EVL: variants seen among roughly 807,000 people sequenced by gnomAD.
EVL encodes ena/VASP-like protein.
A neutral mutation model predicts 59.6 loss-of-function variants in EVL; 21 were observed. That is an observed-to-expected ratio of 0.35 (90% CI 0.25 to 0.51). The LOEUF is 0.51. Among genes scored for constraint, EVL ranks in the 20% least tolerant of loss-of-function variants. The pLI, the probability that EVL is intolerant of heterozygous loss-of-function variation, is 0.97. For synonymous variants in EVL, 198 were observed against 203.5 expected (o/e 0.97, Z 0.23); for missense variants, 462 against 546.6 (o/e 0.85, Z 1.54).
intron 1 of EVL, among the ~76,000 whole-genome samples, chr14:100,038,658 A>G (rs2061422138): frequency 6.6e-6 from 1 of 152,210 alleles, no homozygotes; most frequent in Admixed American, 6.5e-5. Context: ...TAAACAGAAT[A>G]ATGCTAGAAC....
rs911856474 is a variant in EVL, at chr14:100,109,859, G to C, written c.358+12201G>C. ...GCATACTGTGGAAGGAACTTCGGAC[G>C]TGAACTCGGATCTGGTTCCAGTACC... On this transcript the variant is annotated intron_variant, in intron 3 of 13. Coordinates refer to ENST00000392920, the MANE Select transcript of EVL (RefSeq NM_016337.3). The surrounding 1 kb of genome is among the most constrained non-coding windows in gnomAD (Gnocchi z 4.3). 1 of 391,054 alleles carries C rather than the reference G, an allele frequency of 2.6e-6. No homozygotes were observed. The highest frequency in any genetic ancestry group is 2.9e-5 in the Admixed American group (1 of 34,714). 24.2% of individuals were successfully genotyped at this position (391,054 alleles called of 1,614,324 possible).
intron 1 of EVL, among the ~76,000 whole-genome samples, chr14:99,991,006 G>A (rs922801359): frequency 1.3e-5 from 2 of 152,062 alleles, no homozygotes; most frequent in African/African-American, 2.4e-5. Context: ...CTTATATGCA[G>A]ATTTTTTTCA....
chr14:100,137,212 G>C (rs1014125189), intron 9 of EVL: 2 of 292,478 alleles, frequency 6.8e-6, no homozygotes, highest in African/African-American at 2.1e-5. Flanking sequence ...AGCAGGTGCC[G>C]GGCCGAGGGG....
intron 1 of EVL, among the ~76,000 whole-genome samples, chr14:100,038,771 G>GGGGT (rs375810603): frequency 7.8e-5 from 11 of 141,006 alleles, no homozygotes; most frequent in African/African-American, 2.9e-4. Context: ...TGTGCCCTGG[G>GGGGT]GTGTGTGTGT....
intron 1 of EVL, among the ~76,000 whole-genome samples, chr14:100,020,276 C>T (rs1240351395): frequency 6.6e-6 from 1 of 152,158 alleles, no homozygotes; most frequent in Non-Finnish European, 1.5e-5. Context: ...ATTATTAGTG[C>T]TCCAAATTAG....
chr14:100,076,781 G>T (rs1393995966), intron 1 of EVL, among the ~76,000 whole-genome samples: 2 of 152,162 alleles, frequency 1.3e-5, no homozygotes, highest in Non-Finnish European at 2.9e-5. Context: ...ACAAGACTAA[G>T]CCAAGGGTTG....
Position 100,120,176 on chromosome 14 carries a change from C to T in EVL, c.359-3363C>T, listed in dbSNP as rs765024661. On this transcript the variant is annotated intron_variant, in intron 3 of 13. Transcript: ENST00000392920. ...TCTGGACAAGCATGAACTTGGGGGA[C>T]CCCTTCTAATCCCTATATCTCCGTG... 2.1e-4 allele frequency among the ~76,000 whole-genome samples: 32 copies of T among 152,168 alleles called. 1 individual carries two copies. Among genetic ancestry groups the T allele is most frequent in the Non-Finnish European group, 3.2e-4 (22 of 68,030 alleles).
chr14:100,031,910 A>G (rs1165969999), intron 1 of EVL, among the ~76,000 whole-genome samples: 2 of 152,260 alleles, frequency 1.3e-5, no homozygotes, highest in Non-Finnish European at 2.9e-5. Flanking sequence ...CAGACTGCAT[A>G]CCAGAGACAC....
chr14:100,012,412 T>G (rs1260546529), intron 1 of EVL, among the ~76,000 whole-genome samples: 2 of 152,224 alleles, frequency 1.3e-5, no homozygotes, highest in Non-Finnish European at 2.9e-5. Context: ...CTTTACATGA[T>G]TTTATCTTCT....
At chr14:100,011,266 A>G (rs1566968463) in intron 1 of EVL, among the ~76,000 whole-genome samples, 2 of 152,204 alleles carry the variant, frequency 1.3e-5, no homozygotes, top group Non-Finnish European at 2.9e-5. Flanking sequence ...AAGTCCACTG[A>G]AGGGACATAG....
intron 7 of EVL, 93 bp downstream of exon 7, chr14:100,129,777 AGAATCTTTGT>A: frequency 7.0e-7 from 1 of 1,421,098 alleles, no homozygotes; most frequent in South Asian, 1.5e-5. Context: ...TCTTGACCCC[AGAATCTTTGT>A]TCCCTGGGTT....
rs79144982 is a variant in EVL at position 99,994,829 on chromosome 14, G to A, written c.5+22772G>A. Among the ~76,000 whole-genome samples, 763 of 152,184 alleles carry A rather than the reference G, an allele frequency of 5.0e-3. 21 individuals carry two copies. In the East Asian group the frequency reaches 0.078, roughly 15 times the overall value. ...TCCCTTTAGCATTTCTAGTAGGGGA[G>A]GTTTAGTGTCAGCTTTTATTTATCT... On this transcript the variant is annotated intron_variant, in intron 1 of 13. Coordinates refer to the EVL transcript ENST00000402714.
chr14:100,117,093 G>A (rs1322308300), intron 3 of EVL, among the ~76,000 whole-genome samples: 1 of 151,864 alleles, frequency 6.6e-6, no homozygotes, highest in Non-Finnish European at 1.5e-5. Flanking sequence ...ACAGAGAGAC[G>A]GTCTTTGTGG....
intron 1 of EVL, among the ~76,000 whole-genome samples, chr14:100,007,038 G>A (rs139719551): frequency 6.6e-6 from 1 of 152,000 alleles, no homozygotes; most frequent in African/African-American, 2.4e-5. Flanking sequence ...TGTGAACCCC[G>A]AATATCTGAG....
chr14:100,063,647 A>G (rs553090742), upstream of EVL, among the ~76,000 whole-genome samples: 5 of 152,338 alleles, frequency 3.3e-5, no homozygotes, highest in South Asian at 1.0e-3. Context: ...AGACAAAAAC[A>G]AACAACAGCA....
chr14:100,079,114 C>T (rs935328468), intron 1 of EVL, among the ~76,000 whole-genome samples: 1 of 152,170 alleles, frequency 6.6e-6, no homozygotes, highest in Non-Finnish European at 1.5e-5. Context: ...TGGGCCCAGG[C>T]AGAGCTGAGA....
chr14:100,035,912 G>A (rs561535394), intron 1 of EVL, among the ~76,000 whole-genome samples: 1 of 152,272 alleles, frequency 6.6e-6, no homozygotes, highest in East Asian at 1.9e-4. Context: ...GCCAGACCAA[G>A]ACTCAATCCC....
chr14:100,084,569 C>T lies in EVL; in HGVS notation c.12-118C>T, dbSNP rs537959056. On this transcript the variant is annotated intron_variant, in intron 1 of 13. Transcript: ENST00000392920. ...AGTTCTTCCATAGATGTTGGAAGTT[C>T]TGGCAATTGGAAAGTTTCTTTATGT... The T allele has an allele frequency of 2.1e-5, 22 of 1,057,016 alleles. No homozygotes were observed. The South Asian group carries it at 2.4e-4, about 12-fold the overall frequency. The allele number at this position is 1,057,016 out of a possible 1,614,324, so 65.5% of individuals were successfully genotyped here.
At chr14:100,076,306 G>C (rs1272504467) in intron 1 of EVL, among the ~76,000 whole-genome samples, 5 of 152,212 alleles carry the variant, frequency 3.3e-5, no homozygotes, top group African/African-American at 1.2e-4. Flanking sequence ...GTCCAGCAGA[G>C]CAAGAAGGGA....
Sources: gnomAD v4.1 joint callset for allele counts (sites outside exome capture counted in the v4.1 genomes callset) on GRCh38, gnomAD v4.1.1 for gene constraint, Gnocchi (gnomAD v3.1) non-coding constraint, MANE v1.5 for transcripts, NCBI Gene and HGNC (gene_info 2026-07-23, HGNC 2026-07-21) for gene names.